The following FSTL1 variants were observed in gnomAD, a reference collection of about 807,000 sequenced individuals.
FSTL1 encodes follistatin-related protein 1.
In FSTL1, 24 loss-of-function variants were observed where a neutral mutation model predicts 45.9. The ratio of observed to expected loss-of-function variants is 0.52; its 90% CI spans 0.38 to 0.74. The LOEUF is 0.74. Ranked by LOEUF, FSTL1 falls within the 30% of genes least tolerant of loss-of-function variation. FSTL1 has a pLI of 0.00. For synonymous variants in FSTL1, 120 were observed against 137.6 expected, an observed-to-expected ratio of 0.87 and a Z score of 0.89; for missense variants, 340 against 381.8, an observed-to-expected ratio of 0.89 and a Z score of 0.91.
intron 3 of FSTL1, among the ~76,000 whole-genome samples, chr3:120,412,831 C>A (rs1441363596): frequency 7.8e-6 from 1 of 128,600 alleles, no homozygotes; most frequent in Non-Finnish European, 1.6e-5. Flanking sequence ...CGCGCGCGCG[C>A]GCGCGCGCAC....
chr3:120,447,277 T>C (rs1261014528), intron 2 of FSTL1, among the ~76,000 whole-genome samples: 1 of 152,192 alleles, frequency 6.6e-6, no homozygotes, highest in African/African-American at 2.4e-5. Context: ...AAAGAGTAGA[T>C]GAGCAGGCTC....
Position 120,409,965 on chromosome 3 carries a change from G to A in FSTL1, c.332-303C>T, listed in dbSNP as rs184228038. On this transcript the variant is annotated intron_variant, in intron 5 of 10. Coordinates refer to ENST00000295633, the MANE Select transcript of FSTL1 (RefSeq NM_007085.5). ...ATACTTTCATTAACTTTAGGAAGCT[G>A]AAGGGGAAAAAATCAATAAAGCAGC... 681 of 206,528 alleles carry A rather than the reference G, an allele frequency of 3.3e-3. 5 individuals are homozygous for A. The highest frequency in any genetic ancestry group is 4.0e-3 in the Non-Finnish European group (413 of 103,730). 12.8% of individuals were successfully genotyped at this position (206,528 alleles called of 1,614,324 possible).
At chr3:120,422,360 G>C (rs1033499836) in intron 2 of FSTL1, among the ~76,000 whole-genome samples, 1 of 152,156 alleles carries the variant, frequency 6.6e-6, no homozygotes, top group East Asian at 1.9e-4. Context: ...ACACAAAATG[G>C]TAACTATGTA....
chr3:120,409,764 T>A, intron 5 of FSTL1, 102 bp from the exon 6 acceptor site: 1 of 1,055,776 alleles, frequency 9.5e-7, no homozygotes, highest in Non-Finnish European at 1.4e-6. Flanking sequence ...GTTCTGCATA[T>A]GTCATCCCAG....
chr3:120,439,464 A>C (rs767943137), intron 2 of FSTL1, among the ~76,000 whole-genome samples: 8 of 152,242 alleles, frequency 5.3e-5, no homozygotes, highest in Admixed American at 2.6e-4. Context: ...ACAAAAACAC[A>C]GAACTGGCTT....
intron 2 of FSTL1, among the ~76,000 whole-genome samples, chr3:120,445,827 T>A (rs1324222246): frequency 2.0e-5 from 3 of 149,962 alleles, no homozygotes; most frequent in African/African-American, 7.6e-5. Flanking sequence ...TGCTTCACTG[T>A]GACTCTGACC....
chr3:120,438,647 CT>C (rs889737265), intron 2 of FSTL1, among the ~76,000 whole-genome samples: 1 of 152,160 alleles, frequency 6.6e-6, no homozygotes, highest in Admixed American at 6.5e-5. Context: ...TATCCGCCTC[CT>C]TTTATATGAA....
At chr3:120,406,424 C>T (rs1409680895) in intron 6 of FSTL1, among the ~76,000 whole-genome samples, 2 of 151,900 alleles carry the variant, frequency 1.3e-5, no homozygotes, top group African/African-American at 2.4e-5. Context: ...GGAGGGGAAA[C>T]GTCCAGCACT....
chr3:120,414,649 A>G (rs1937154540), intron 3 of FSTL1, among the ~76,000 whole-genome samples: 1 of 151,988 alleles, frequency 6.6e-6, no homozygotes, highest in African/African-American at 2.4e-5. Flanking sequence ...TGTACTAAGA[A>G]AACTTCTTCT....
At position 120,399,961 on chromosome 3, in the gene FSTL1, T is replaced by C. The variant is rs751186231; in HGVS notation, c.806-2A>G. 6.2e-7 allele frequency: 1 copy of C among 1,601,740 alleles called. No homozygotes were observed. Among genetic ancestry groups the C allele is most frequent in the East Asian group, 2.2e-5 (1 of 44,762 alleles). ...TCTGGGCCCCCTTCTGATTCTTTCC[T>C]GCAAGAAGAACCAAAGCTCAGAGCA... On this transcript the variant is annotated splice_acceptor_variant, in intron 9 of 10. Coordinates refer to ENST00000295633, the MANE Select transcript of FSTL1 (RefSeq NM_007085.5). LOFTEE classifies it high-confidence loss of function.
chr3:120,442,094 TAC>T (rs925998818), intron 2 of FSTL1, among the ~76,000 whole-genome samples: 53 of 152,338 alleles, frequency 3.5e-4, no homozygotes, highest in African/African-American at 1.3e-3. Context: ...GTGAAATCAT[TAC>T]AGAGTCAAAA....
At chr3:120,424,562 C>A (rs929840630) in intron 2 of FSTL1, among the ~76,000 whole-genome samples, 2 of 152,004 alleles carry the variant, frequency 1.3e-5, no homozygotes, top group African/African-American at 4.8e-5. Flanking sequence ...TGGCACATGG[C>A]AAGAAATGGG....
chr3:120,405,915 C>T (rs1221136418), intron 6 of FSTL1, among the ~76,000 whole-genome samples: 1 of 152,174 alleles, frequency 6.6e-6, no homozygotes, highest in East Asian at 1.9e-4. Flanking sequence ...CAAATCCTTT[C>T]CCTAGGCTCC....
chr3:120,450,410 C>T (rs550556274), intron 2 of FSTL1, among the ~76,000 whole-genome samples: 41 of 152,330 alleles, frequency 2.7e-4, no homozygotes, highest in African/African-American at 7.5e-4. Flanking sequence ...GCCTCGTCCC[C>T]GTCGGCCCAG....
At chr3:120,416,361 T>C (rs1478720743) in intron 2 of FSTL1, among the ~76,000 whole-genome samples, 2 of 152,068 alleles carry the variant, frequency 1.3e-5, no homozygotes, top group Non-Finnish European at 2.9e-5. Context: ...GAGATGGAGA[T>C]ACAAAGGACA....
chr3:120,450,894 C>T lies in FSTL1; in HGVS notation c.-1+3G>A, dbSNP rs2107676716. ...GCCTCCGCGCCGTGCGCCCTGCGCT[C>T]ACCGTGGTCTGGTCCAGGTCTCCTG... On this transcript the variant is annotated splice_donor_region_variant and intron_variant, in intron 1 of 10. Coordinates refer to ENST00000295633, the MANE Select transcript of FSTL1 (RefSeq NM_007085.5). 1 of 549,822 alleles carries T rather than the reference C, an allele frequency of 1.8e-6. No homozygotes were observed. The highest frequency in any genetic ancestry group is 3.5e-5 in the East Asian group (1 of 28,860). 34.1% of individuals were successfully genotyped at this position (549,822 alleles called of 1,614,324 possible). A position where few individuals can be genotyped will look rare whatever the true frequency, so the allele number is the denominator to read the frequency against.
chr3:120,399,671 T>C (rs1297166960), intron 10 of FSTL1, among the ~76,000 whole-genome samples: 1 of 152,116 alleles, frequency 6.6e-6, no homozygotes, highest in Non-Finnish European at 1.5e-5. Flanking sequence ...CTGTAACCTA[T>C]ATGTGTTGAG....
At chr3:120,397,156 C>A (rs1011833181) in intron 10 of FSTL1, among the ~76,000 whole-genome samples, 160 bp from the exon 11 acceptor site, 3 of 152,184 alleles carry the variant, frequency 2.0e-5, no homozygotes, top group Non-Finnish European at 4.4e-5. Context: ...AATTTGAGAA[C>A]AAGAACTATG....
At chr3:120,449,431 T>G (rs1179421416) in intron 2 of FSTL1, among the ~76,000 whole-genome samples, 2 of 152,116 alleles carry the variant, frequency 1.3e-5, no homozygotes, top group African/African-American at 4.8e-5. Flanking sequence ...ACTGTTTGGG[T>G]TCAAATCCCA....
Sources: allele counts gnomAD v4.1 joint callset (sites outside exome capture counted in the v4.1 genomes callset), GRCh38; gene constraint gnomAD v4.1.1; transcripts MANE v1.5; gene names NCBI Gene and HGNC (gene_info 2026-07-23, HGNC 2026-07-21).